Variants in ACIN1 observed in about 807,000 individuals in gnomAD.
ACIN1 encodes apoptotic chromatin condensation inducer in the nucleus.
A neutral mutation model predicts 146.6 loss-of-function variants in ACIN1; 16 were observed. The observed-to-expected ratio is 0.11, with a 90% CI of 0.07 to 0.17. The LOEUF (loss-of-function observed/expected upper bound fraction) is 0.17. Ranked by LOEUF, ACIN1 falls within the 10% of genes least tolerant of loss-of-function variation. The pLI, the probability that ACIN1 is intolerant of heterozygous loss-of-function variation, is 1.00. For synonymous variants in ACIN1, 569 were observed against 582.7 expected (o/e 0.98, Z 0.34); for missense variants, 1,357 against 1,609.3 (o/e 0.84, Z 2.68).
chr14:23,067,971 A>G lies in ACIN1; in HGVS notation c.2265+1505T>C. 1 of 985,834 alleles carries G rather than the reference A, an allele frequency of 1.0e-6. No homozygotes were observed. Among genetic ancestry groups the G allele is most frequent in the Non-Finnish European group, 1.2e-6 (1 of 829,942 alleles). The allele number at this position is 985,834 out of a possible 1,614,324, so 61.1% of individuals were successfully genotyped here. A position where few individuals can be genotyped will look rare whatever the true frequency, so the allele number is the denominator to read the frequency against. On this transcript the variant is annotated intron_variant, in intron 9 of 18. Coordinates refer to ENST00000605057, the MANE Select transcript of ACIN1 (RefSeq NM_001386863.1). This position sits in a 1 kb window ranked among gnomAD's most constrained non-coding sequence, Gnocchi z 4.6. The stretch of plus-strand genomic sequence containing the variant: ...CATCTCCTCAGGGACTCCAGCTGAG[A>G]CAGTGGTTCCAGTCAGGTGGATGAA...
At chr14:23,095,418 T>A, upstream of ACIN1, 2 of 1,201,774 alleles carry the variant, frequency 1.7e-6, no homozygotes, top group Non-Finnish European at 2.3e-6. Flanking sequence ...GGTATAACCA[T>A]AATCGGAGAT....
At chr14:23,094,421 C>A in intron 1 of ACIN1, 3 of 969,460 alleles carry the variant, frequency 3.1e-6, no homozygotes, top group African/African-American at 1.8e-5. Flanking sequence ...CCCAAATTGC[C>A]ACTAGATGCC....
intron 10 of ACIN1, 41 bp downstream of exon 10, chr14:23,065,925 G>A (rs1293265096): frequency 6.3e-7 from 1 of 1,578,458 alleles, no homozygotes; most frequent in Non-Finnish European, 8.7e-7. Flanking sequence ...TGGTTTTTAT[G>A]GTATTCCTGA....
At chr14:23,066,985 A>G (rs2047478377) in intron 9 of ACIN1, among the ~76,000 whole-genome samples, 1 of 152,180 alleles carries the variant, frequency 6.6e-6, no homozygotes, top group Non-Finnish European at 1.5e-5. Flanking sequence ...TCTAAAGGGT[A>G]GGGCAGAAAC....
At chr14:23,063,632 C>G in intron 12 of ACIN1, 55 bp from the exon 13 acceptor site, 1 of 1,604,522 alleles carries the variant, frequency 6.2e-7, no homozygotes, top group South Asian at 1.1e-5. Context: ...CTGGCATATT[C>G]TTTTCAGCCT....
Position 23,078,908 on chromosome 14 carries a change from G to A in ACIN1, c.1919C>T (p.Ser640Phe). 1 of 1,614,128 alleles carries A rather than the reference G, an allele frequency of 6.2e-7. No individual in the cohort carries two copies. The highest frequency in any genetic ancestry group is 8.5e-7 in the Non-Finnish European group (1 of 1,180,022). Residue 640 changes from serine to phenylalanine, a missense_variant, in exon 7 of 19, where the codon TCC becomes TTC. Around this residue, in one of 4 missense-constraint regions of ACIN1, gnomAD observed 771 missense variants for 746.6 expected, o/e 1.03. Coordinates refer to ENST00000605057, the MANE Select transcript of ACIN1 (RefSeq NM_001386863.1). ...TGCTTGGACAGAGGATGAGGAGGTG[G>A]AAGTCCTCTCCTTTGGCTCACAGAC... ...LQVCEPKERT[S>F]TSSSSVQARR...
intron 18 of ACIN1, among the ~76,000 whole-genome samples, chr14:23,060,512 T>C (rs754958820): frequency 3.9e-5 from 6 of 152,126 alleles, no homozygotes; most frequent in Non-Finnish European, 5.9e-5. Context: ...CAAGTTCTTT[T>C]TTTTTTTTTA....
At chr14:23,094,586 C>A (rs571920329) in intron 1 of ACIN1, 1 of 970,176 alleles carries the variant, frequency 1.0e-6, no homozygotes, top group South Asian at 4.8e-5. Context: ...CGCAACTATA[C>A]CCCTAACTCC....
At chr14:23,085,676 G>A (rs1044994469) in intron 4 of ACIN1, among the ~76,000 whole-genome samples, 12 of 152,318 alleles carry the variant, frequency 7.9e-5, no homozygotes, top group Non-Finnish European at 1.3e-4. Flanking sequence ...AATATAAAGA[G>A]ATGAGGAATC....
intron 17 of ACIN1, 37 bp from the exon 18 acceptor site, chr14:23,061,221 T>G (rs763463870): frequency 1.2e-6 from 2 of 1,612,568 alleles, no homozygotes; most frequent in East Asian, 2.2e-5. Context: ...ATGATGCATC[T>G]GACCCTCTGT....
chr14:23,081,319 T>C (rs1343559450), intron 5 of ACIN1, among the ~76,000 whole-genome samples: 1 of 152,248 alleles, frequency 6.6e-6, no homozygotes, highest in Non-Finnish European at 1.5e-5. Flanking sequence ...TCTTGTCTAA[T>C]AATGTGCTTT....
chr14:23,061,643 A>G, intron 16 of ACIN1, 21 bp from the exon 17 acceptor site: 1 of 1,506,418 alleles, frequency 6.6e-7, no homozygotes. Flanking sequence ...AGGAGGGACA[A>G]GGACAGTTAG....
chr14:23,080,221 G>C lies in ACIN1; in HGVS notation c.1114C>G (p.Pro372Ala), dbSNP rs2140157393. ...TKEASSPPPH[P>A]QLHSEEEIEP... is the part of the protein sequence containing the mutation. Reference sequence around the variant, plus strand: ...ATTTCTTCTTCGCTATGGAGCTGTGGATGAGGTGGTGGAGAAGATGCTTCC... The same window carrying C: ...ATTTCTTCTTCGCTATGGAGCTGTGCATGAGGTGGTGGAGAAGATGCTTCC... The change falls in exon 6 of 19, where the codon CCA (proline) becomes GCA (alanine). Residue 372 changes from proline to alanine, a missense_variant. By Grantham distance (27) the Pro-to-Ala change is conservative. Coordinates refer to ENST00000605057, the MANE Select transcript of ACIN1 (RefSeq NM_001386863.1). 6.2e-7 allele frequency: 1 copy of C among 1,614,224 alleles called. No homozygotes were observed. Among genetic ancestry groups the C allele is most frequent in the Middle Eastern group, 1.7e-4 (1 of 6,060 alleles).
In ACIN1 at chr14:23,059,269, C is replaced by CCCA; in HGVS notation, c.3730_3731insTGG (p.Arg1244delinsLeuGly). 6.2e-7 allele frequency: 1 copy of CCCA among 1,609,464 alleles called. No individual in the cohort carries two copies. The highest frequency in any genetic ancestry group is 8.5e-7 in the Non-Finnish European group (1 of 1,175,754). ...TCGGTCCCTTTCCCTATCCCGATCT[C>CCCA]GGTCCCCCCTGTCCCGCTCCCTTTC... On this transcript the variant is annotated protein_altering_variant, in exon 19 of 19. Coordinates refer to ENST00000605057, the MANE Select transcript of ACIN1 (RefSeq NM_001386863.1).
chr14:23,078,178 G>C lies in ACIN1; in HGVS notation c.2096C>G (p.Pro699Arg), dbSNP rs202100991. ...AGTGTGATGAATTCTTTCTGATTCT[G>C]GCAGATGAGAGGTCTGAGTCTCTGA... ...QTSETQTSHLPESERIHHTVE... is the reference protein window; with the variant it reads ...QTSETQTSHLRESERIHHTVE... The change falls in exon 8 of 19, where the codon CCA becomes CGA. Residue 699 changes from proline (P) to arginine (R), a missense_variant. Transcript: ENST00000605057. The C allele has an allele frequency of 7.4e-6, 12 of 1,614,194 alleles. No homozygotes were observed. Among genetic ancestry groups the C allele is most frequent in the Admixed American group, 6.7e-5 (4 of 60,024 alleles).
rs1313644201 is a variant in ACIN1, at chr14:23,080,256, A to G, written c.1079T>C (p.Leu360Ser). Residue 360 changes from leucine to serine, a missense_variant, in exon 6 of 19, where the codon TTA becomes TCA. This residue lies in a region of ACIN1 where 771 missense variants were observed against 746.6 expected (regional missense o/e 1.03). Coordinates refer to ENST00000605057, the MANE Select transcript of ACIN1 (RefSeq NM_001386863.1). ...TASEEETPPP[L>S]LTKEASSPPP... Reference sequence around the variant, plus strand: ...TGGAGAAGATGCTTCCTTTGTTAGTAAAGGTGGAGGAGTCTCCTCCTCGCT... The same window carrying G: ...TGGAGAAGATGCTTCCTTTGTTAGTGAAGGTGGAGGAGTCTCCTCCTCGCT... The G allele has an allele frequency of 1.1e-5, 17 of 1,614,176 alleles. No homozygotes were observed. The highest frequency in any genetic ancestry group is 1.4e-5 in the Non-Finnish European group (16 of 1,180,020).
At position 23,059,277 on chromosome 14, in the gene ACIN1, C is replaced by A. The variant is rs1334922221; in HGVS notation, c.3723G>T (p.Arg1241Ser). Residue 1241 changes from arginine (R) to serine (S), a missense_variant, in exon 19 of 19, where the codon AGG (arginine) becomes AGT (serine). Physicochemically the swap from Arg to Ser is moderately radical, Grantham distance 110. Coordinates refer to ENST00000605057, the MANE Select transcript of ACIN1 (RefSeq NM_001386863.1). ...RERERERERDRGDRDRDRERD... is the reference protein window; with the variant it reads ...RERERERERDSGDRDRDRERD... ...TTTCCCTATCCCGATCTCGGTCCCC[C>A]CTGTCCCGCTCCCTTTCTCTCTCTC... The A allele has an allele frequency of 6.2e-7, 1 of 1,607,356 alleles. No individual in the cohort carries two copies. The highest frequency in any genetic ancestry group is 1.1e-5 in the South Asian group (1 of 90,946).
In ACIN1 at chr14:23,080,675, C is replaced by G; in HGVS notation, c.660G>C (p.Glu220Asp). Reference sequence around the variant, plus strand: ...CCTCTTCTTCATCATCTTCTTCCTCCTCCTCCTCCTCCTCTTCTTCCTCCT... The same window carrying G: ...CCTCTTCTTCATCATCTTCTTCCTCGTCCTCCTCCTCCTCTTCTTCCTCCT... ...KTEEEEEEEEEEEEDDEEEEG... is the reference protein window; with the variant it reads ...KTEEEEEEEEDEEEDDEEEEG... The change falls in exon 6 of 19, where the codon GAG becomes GAC. Residue 220 changes from glutamate (E) to aspartate (D), a missense_variant. This residue lies in a region of ACIN1 where 771 missense variants were observed against 746.6 expected (regional missense o/e 1.03). Coordinates refer to ENST00000605057, the MANE Select transcript of ACIN1 (RefSeq NM_001386863.1). 1 of 1,604,692 alleles carries G rather than the reference C, an allele frequency of 6.2e-7. No individual in the cohort carries two copies. Among genetic ancestry groups the G allele is most frequent in the South Asian group, 1.1e-5 (1 of 90,890 alleles).
intron 4 of ACIN1, among the ~76,000 whole-genome samples, chr14:23,087,490 T>C (rs1397208006): frequency 2.0e-5 from 3 of 151,730 alleles, no homozygotes; most frequent in Admixed American, 2.0e-4. Flanking sequence ...CCATCAATCA[T>C]TAGCCATGGG....
Sources: allele counts gnomAD v4.1 joint callset (sites outside exome capture counted in the v4.1 genomes callset), GRCh38; gene constraint gnomAD v4.1.1; regional missense constraint gnomAD v4.1.1; non-coding constraint Gnocchi (gnomAD v3.1); transcripts MANE v1.5; gene names NCBI Gene and HGNC (gene_info 2026-07-23, HGNC 2026-07-21).